CHST8: variants seen among roughly 807,000 people sequenced by gnomAD.
CHST8 encodes the protein carbohydrate sulfotransferase 8, also known as GALNAC-4-ST1.
A neutral mutation model predicts 15.0 loss-of-function variants in CHST8; 10 were observed. The observed-to-expected ratio is 0.67, with a 90% CI of 0.41 to 1.13. CHST8 has a LOEUF of 1.13. Ranked by LOEUF, CHST8 falls within the 50% of genes most tolerant of loss-of-function variation. The probability of loss-of-function intolerance (pLI) is 0.00; values close to 1 mark genes in which losing one functional copy is unlikely to be tolerated. For missense variants in CHST8, 634 were observed against 608.2 expected (o/e 1.04, Z -0.45); for synonymous variants, 259 against 256.6 (o/e 1.01, Z -0.09).
intron 3 of CHST8, among the ~76,000 whole-genome samples, chr19:33,735,743 T>C (rs761674289): frequency 1.4e-4 from 22 of 152,152 alleles, no homozygotes; most frequent in Non-Finnish European, 2.9e-4. Flanking sequence ...AGGAGAATCA[T>C]TTGAACCCGG....
intron 3 of CHST8, among the ~76,000 whole-genome samples, chr19:33,769,685 C>T (rs1445878694): frequency 6.6e-6 from 1 of 151,966 alleles, no homozygotes; most frequent in East Asian, 1.9e-4. Context: ...AAAGACTCCT[C>T]TCTCAGGCCA....
At chr19:33,657,395 A>G (rs555958823) in intron 1 of CHST8, among the ~76,000 whole-genome samples, 41 of 151,976 alleles carry the variant, frequency 2.7e-4, no homozygotes, top group Admixed American at 2.1e-3. Flanking sequence ...TAGCCTCCCA[A>G]GTAGCTGGGA....
chr19:33,670,944 G>T (rs1159842143), intron 2 of CHST8, among the ~76,000 whole-genome samples: 1 of 152,182 alleles, frequency 6.6e-6, no homozygotes, highest in Non-Finnish European at 1.5e-5. Context: ...GCATGAAGAG[G>T]TTAAGTAGCC....
chr19:33,739,972 A>G (rs1974155976), intron 3 of CHST8, among the ~76,000 whole-genome samples: 1 of 152,198 alleles, frequency 6.6e-6, no homozygotes, highest in South Asian at 2.1e-4. Context: ...CAGCTCTCAG[A>G]GACAGAGGTG....
At chr19:33,713,267 TC>T (rs1973595480) in intron 3 of CHST8, among the ~76,000 whole-genome samples, 1 of 152,198 alleles carries the variant, frequency 6.6e-6, no homozygotes, top group Non-Finnish European at 1.5e-5. Context: ...AGATGCCACA[TC>T]TTCCTTTCAA....
At chr19:33,704,936 G>A (rs544905988) in intron 3 of CHST8, among the ~76,000 whole-genome samples, 12 of 151,642 alleles carry the variant, frequency 7.9e-5, no homozygotes, top group Admixed American at 3.3e-4. Context: ...GCTAAGAATC[G>A]GTAACATACA....
intron 2 of CHST8, among the ~76,000 whole-genome samples, chr19:33,677,158 C>G (rs564269443): frequency 7.6e-6 from 1 of 132,022 alleles, no homozygotes; most frequent in Non-Finnish European, 1.6e-5. Flanking sequence ...GATCAGCCGG[C>G]AGGGGGGGGC....
chr19:33,672,671 A>G (rs1263466018), intron 2 of CHST8, among the ~76,000 whole-genome samples: 1 of 152,180 alleles, frequency 6.6e-6, no homozygotes, highest in South Asian at 2.1e-4. Context: ...AGAGGAGCTG[A>G]CTGTCAAAGC....
chr19:33,741,959 A>G (rs1333472704), intron 3 of CHST8, among the ~76,000 whole-genome samples: 2 of 152,118 alleles, frequency 1.3e-5, no homozygotes, highest in African/African-American at 4.8e-5. Context: ...AACATGAGCC[A>G]GGCTTGGGTC....
chr19:33,687,723 C>T (rs1321183724), intron 2 of CHST8, among the ~76,000 whole-genome samples: 1 of 152,198 alleles, frequency 6.6e-6, no homozygotes, highest in Non-Finnish European at 1.5e-5. Flanking sequence ...CTTTTCAGAA[C>T]CATCTGGTCG....
chr19:33,643,868 T>A (rs1038999058), intron 1 of CHST8, among the ~76,000 whole-genome samples: 11 of 152,202 alleles, frequency 7.2e-5, no homozygotes, highest in African/African-American at 2.7e-4. Context: ...ACACATAAAT[T>A]TAGGATAAGT....
chr19:33,733,391 G>A (rs1974028526), intron 3 of CHST8, among the ~76,000 whole-genome samples: 1 of 151,922 alleles, frequency 6.6e-6, no homozygotes, highest in Non-Finnish European at 1.5e-5. Flanking sequence ...CCACAACAAT[G>A]CCCAGCTAAT....
chr19:33,743,392 C>T (rs568440749), intron 3 of CHST8, among the ~76,000 whole-genome samples: 2 of 151,634 alleles, frequency 1.3e-5, no homozygotes, highest in Admixed American at 6.6e-5. Context: ...CTCCGCCCCC[C>T]GGGGGTTCAT....
chr19:33,752,580 G>A (rs868642259), intron 3 of CHST8, among the ~76,000 whole-genome samples: 4 of 152,158 alleles, frequency 2.6e-5, no homozygotes, highest in African/African-American at 4.8e-5. Flanking sequence ...GTTCCCCGGG[G>A]AGTCGCAGAA....
intron 1 of CHST8, among the ~76,000 whole-genome samples, chr19:33,624,582 C>T (rs188456879): frequency 6.6e-5 from 10 of 152,286 alleles, no homozygotes; most frequent in East Asian, 1.9e-4. Flanking sequence ...AGTTCAAAAA[C>T]GACTTTTTTG....
In CHST8 at chr19:33,772,794, A is replaced by G; in HGVS notation, c.1006A>G (p.Ser336Gly). 6.2e-7 allele frequency: 1 copy of G among 1,613,476 alleles called. No homozygotes were observed. Among genetic ancestry groups the G allele is most frequent in the Non-Finnish European group, 8.5e-7 (1 of 1,180,028 alleles). Residue 336 changes from serine to glycine, a missense_variant, in exon 5 of 5, where the codon AGC becomes GGC. Physicochemically the swap from Ser to Gly is moderately conservative, Grantham distance 56. Coordinates refer to ENST00000650847, the MANE Select transcript of CHST8 (RefSeq NM_001127895.2). ...CTGGGACCATGTCAGCCGGCTCTGCAGCCCCTGCCTCATCGACTACGATTT... is the reference window on the plus strand; with the variant it reads ...CTGGGACCATGTCAGCCGGCTCTGCGGCCCCTGCCTCATCGACTACGATTT... ...IHWDHVSRLC[S>G]PCLIDYDFVG...
chr19:33,644,934 T>G (rs1179290302), intron 1 of CHST8, among the ~76,000 whole-genome samples: 2 of 152,060 alleles, frequency 1.3e-5, no homozygotes, highest in Non-Finnish European at 2.9e-5. Flanking sequence ...AGGCCAGTGG[T>G]TCTCAGCCTG....
In CHST8 at chr19:33,772,619, C is replaced by T. The variant is rs763678162; in HGVS notation, c.831C>T (p.Ser277=). 9.9e-6 allele frequency: 16 copies of T among 1,613,944 alleles called. No individual in the cohort carries two copies. The highest frequency in any genetic ancestry group is 1.6e-4 in the Middle Eastern group (1 of 6,084). ...GCGACAAGTTTGAGCACCCCAACAGCTACTATCACCCGGTCTTCGGCAAGG... is the reference window on the plus strand; with the variant it reads ...GCGACAAGTTTGAGCACCCCAACAGTTACTATCACCCGGTCTTCGGCAAGG... The part of the protein sequence containing the change: ...AFRDKFEHPN[S]YYHPVFGKAI... The change falls in exon 5 of 5, where the codon AGC becomes AGT. Residue 277 remains serine, a synonymous_variant. Transcript: ENST00000650847.
chr19:33,766,127 C>T (rs980777088), intron 3 of CHST8, among the ~76,000 whole-genome samples: 1 of 151,944 alleles, frequency 6.6e-6, no homozygotes, highest in South Asian at 2.1e-4. Context: ...CAACCCGTCT[C>T]GCTCTCTCCT....
Sources: gnomAD v4.1 joint callset for allele counts (sites outside exome capture counted in the v4.1 genomes callset) on GRCh38, gnomAD v4.1.1 for gene constraint, MANE v1.5 for transcripts, NCBI Gene and HGNC (gene_info 2026-07-23, HGNC 2026-07-21) for gene names.